HDX: variants seen among roughly 807,000 people sequenced by gnomAD.
HDX encodes chromosome X open reading frame 43.
HDX carries 19 observed loss-of-function variants against 45.2 expected under a neutral mutation model. The observed-to-expected ratio is 0.42, with a 90% confidence interval of 0.29 to 0.62. The LOEUF (loss-of-function observed/expected upper bound fraction) is 0.62. HDX is among the 20% of genes least tolerant of loss of function. HDX has a pLI of 0.20. For missense variants in HDX, 532 were observed against 493.9 expected (o/e 1.08, Z -0.73); for synonymous variants, 188 against 172.8 (o/e 1.09, Z -0.69).
intron 2 of HDX, among the ~76,000 whole-genome samples, chrX:84,486,529 A>G (rs1391813231): frequency 8.9e-6 from 1 of 111,880 alleles, no homozygotes; most frequent in Non-Finnish European, 1.9e-5. Flanking sequence ...AACATTTTTA[A>G]GAATAGATCT....
intron 5 of HDX, among the ~76,000 whole-genome samples, chrX:84,390,942 T>A (rs2038426442): frequency 8.9e-6 from 1 of 111,991 alleles, no homozygotes. Flanking sequence ...CTGGAGTATT[T>A]ATCGCTTCTC....
At chrX:84,441,562 G>GA (rs2039761716) in intron 4 of HDX, among the ~76,000 whole-genome samples, 1 of 111,218 alleles carries the variant, frequency 9.0e-6, no homozygotes, top group Non-Finnish European at 1.9e-5. Context: ...ATGTATGACT[G>GA]AAAAAGAAAA....
chrX:84,427,675 G>A (rs1366575292), intron 5 of HDX, among the ~76,000 whole-genome samples: 1 of 110,695 alleles, frequency 9.0e-6, no homozygotes, highest in African/African-American at 3.3e-5. Flanking sequence ...TTCCTATATA[G>A]AAATGCACAA....
chrX:84,392,309 T>C (rs1401831096), intron 5 of HDX, among the ~76,000 whole-genome samples: 1 of 111,536 alleles, frequency 9.0e-6, no homozygotes, highest in Non-Finnish European at 1.9e-5. Context: ...TACTCTTTGG[T>C]CACTACAGCC....
At position 84,441,007 on chromosome X, in the gene HDX, G is replaced by C. The variant is rs1602463025; in HGVS notation, c.1252-422C>G. Among the ~76,000 whole-genome samples the C allele has an allele frequency of 7.0e-5, 5 of 71,898 alleles. No individual in the cohort carries two copies. The South Asian group carries it at 2.8e-3, about 40-fold the overall frequency. The allele number at this position is 71,898 out of a possible 115,157, so 62.4% of individuals were successfully genotyped here. A position where few individuals can be genotyped will look rare whatever the true frequency, so the allele number is the denominator to read the frequency against. On this transcript the variant is annotated intron_variant, in intron 4 of 10. Transcript: ENST00000373177. ...CACCCAGTGGATGTCTGAAACTGCA[G>C]AGAGTACTGAACTCTATATATACTA...
At chrX:84,493,100 G>T (rs1159043662) in intron 1 of HDX, among the ~76,000 whole-genome samples, 1 of 110,491 alleles carries the variant, frequency 9.1e-6, no homozygotes, top group East Asian at 2.8e-4. Flanking sequence ...TAGTAGAGAT[G>T]GGGATTCACC....
Position 84,497,333 on chromosome X carries a change from G to A in HDX, c.-110+5009C>T, listed in dbSNP as rs1602568976. Among the ~76,000 whole-genome samples the A allele has an allele frequency of 5.4e-5, 6 of 111,853 alleles. 1 individual carries two copies. The Admixed American group carries it at 5.7e-4, about 11-fold the overall frequency. On this transcript the variant is annotated intron_variant, in intron 1 of 10. Transcript: ENST00000373177. ...GATAATTACTTTCTTAAATGGCACA[G>A]CTATTCCATCCATAAAACATACAAT...
At chrX:84,492,284 TTTTG>T (rs200262241) in intron 1 of HDX, among the ~76,000 whole-genome samples, 1,251 of 110,635 alleles carry the variant, frequency 0.011, 26 homozygotes, top group African/African-American at 0.039. Flanking sequence ...TTTTTTCTGT[TTTTG>T]TTTGTTTGTT....
At chrX:84,378,420 C>T (rs1467309333) in intron 5 of HDX, among the ~76,000 whole-genome samples, 5 of 110,744 alleles carry the variant, frequency 4.5e-5, no homozygotes, top group Non-Finnish European at 7.6e-5. Context: ...TATGATAAAC[C>T]GATCAAAAAT....
At chrX:84,362,247 A>G (rs184218928) in intron 5 of HDX, among the ~76,000 whole-genome samples, 1 of 111,284 alleles carries the variant, frequency 9.0e-6, no homozygotes, top group East Asian at 2.8e-4. Context: ...TTATCCAATA[A>G]ACTATCGGAT....
intron 5 of HDX, among the ~76,000 whole-genome samples, chrX:84,438,949 A>C (rs2039697781): frequency 8.9e-6 from 1 of 112,024 alleles, no homozygotes; most frequent in East Asian, 2.8e-4. Context: ...AAGTTCTTTG[A>C]GAAATCTCCA....
intron 5 of HDX, among the ~76,000 whole-genome samples, chrX:84,417,077 C>T (rs1025081668): frequency 5.5e-5 from 6 of 109,045 alleles, no homozygotes; most frequent in African/African-American, 2.0e-4. Flanking sequence ...TTGCTTTAAC[C>T]TGAGAGGCAG....
intron 5 of HDX, among the ~76,000 whole-genome samples, chrX:84,438,788 A>T (rs1437816227): frequency 9.0e-6 from 1 of 111,301 alleles, no homozygotes; most frequent in African/African-American, 3.3e-5. Flanking sequence ...TTCACTGTTG[A>T]TGGGCACTTA....
At chrX:84,454,931 A>G (rs1165864115) in intron 4 of HDX, among the ~76,000 whole-genome samples, 1 of 110,574 alleles carries the variant, frequency 9.0e-6, no homozygotes, top group South Asian at 3.9e-4. Flanking sequence ...TCTGCTTGGT[A>G]ATCCAGATGG....
At chrX:84,437,331 C>T (rs755620729) in intron 5 of HDX, among the ~76,000 whole-genome samples, 7 of 110,440 alleles carry the variant, frequency 6.3e-5, no homozygotes, top group Non-Finnish European at 1.1e-4. Context: ...CAGGACCTTG[C>T]TATGTTGCCT....
At chrX:84,378,780 T>C (rs1475204521) in intron 5 of HDX, among the ~76,000 whole-genome samples, 1 of 111,288 alleles carries the variant, frequency 9.0e-6, no homozygotes, top group Non-Finnish European at 1.9e-5. Context: ...CAAATAACAA[T>C]GGCAGGAGTA....
In HDX at chrX:84,500,202, T is replaced by G. The variant is rs1235521642; in HGVS notation, c.-110+2140A>C. 4 of 110,940 alleles carry G rather than the reference T, an allele frequency of 3.6e-5. No homozygotes were observed. The East Asian group carries it at 1.1e-3, about 32-fold the overall frequency. The allele number at this position is 110,940 out of a possible 1,213,427, so 9.1% of individuals were successfully genotyped here. ...TCCTCTGACTTAAATTCAGGTTTAT[T>G]TAGTCATTGGAGGGTCTCTTGCCTG... is the stretch of plus-strand genomic sequence containing the variant. On this transcript the variant is annotated intron_variant, in intron 1 of 10. Coordinates refer to ENST00000373177, the MANE Select transcript of HDX (RefSeq NM_001177479.2).
chrX:84,356,858 T>A (rs1363157657), intron 6 of HDX, among the ~76,000 whole-genome samples: 1 of 110,839 alleles, frequency 9.0e-6, no homozygotes, highest in African/African-American at 3.3e-5. Context: ...TCCTGACCTG[T>A]GATCCGCCCA....
chrX:84,354,620 T>A (rs1353213145), intron 6 of HDX, among the ~76,000 whole-genome samples: 2 of 109,842 alleles, frequency 1.8e-5, no homozygotes, highest in African/African-American at 6.6e-5. Flanking sequence ...AAAACAAATA[T>A]AAATTATAAA....
Sources: allele counts gnomAD v4.1 joint callset (sites outside exome capture counted in the v4.1 genomes callset), GRCh38; gene constraint gnomAD v4.1.1; transcripts MANE v1.5; gene names NCBI Gene and HGNC (gene_info 2026-07-23, HGNC 2026-07-21).